The following ZNF407 variants were observed in gnomAD, a reference collection of about 807,000 sequenced individuals.
ZNF407 encodes the protein zinc finger protein 407.
In ZNF407, 17 loss-of-function variants were observed where a neutral mutation model predicts 131.2. The ratio of observed to expected loss-of-function variants is 0.13; its 90% CI spans 0.09 to 0.19. ZNF407 has a LOEUF of 0.19. Ranked by LOEUF, ZNF407 falls within the 10% of genes least tolerant of loss-of-function variation. The probability of loss-of-function intolerance (pLI) is 1.00; values close to 1 mark genes in which losing one functional copy is unlikely to be tolerated. For synonymous variants in ZNF407, 1,156 were observed against 1,062.0 expected, an observed-to-expected ratio of 1.09 and a Z score of -1.72; for missense variants, 2,681 against 2,830.6, an observed-to-expected ratio of 0.95 and a Z score of 1.20.
chr18:74,650,573 G>GGTCT (rs1985181205), intron 3 of ZNF407, among the ~76,000 whole-genome samples: 1 of 152,036 alleles, frequency 6.6e-6, no homozygotes, highest in African/African-American at 2.4e-5. Context: ...GGTTGACAGG[G>GGTCT]GTCTGCACTT....
rs1377327892 is a variant in ZNF407 at position 75,009,463 on chromosome 18, A to T, written c.5429-53687A>T. ...ATATTGGTGCCTCAGGGAAAATTAA[A>T]CCAGGTATGAACTTGTGTGGATGAC... is the stretch of plus-strand genomic sequence containing the variant. On this transcript the variant is annotated intron_variant, in intron 8 of 8. Coordinates refer to ENST00000299687, the MANE Select transcript of ZNF407 (RefSeq NM_017757.3). 3.9e-5 allele frequency among the ~76,000 whole-genome samples: 6 copies of T among 152,210 alleles called. No individual in the cohort carries two copies. The South Asian group carries it at 1.2e-3, about 32-fold the overall frequency.
intron 8 of ZNF407, among the ~76,000 whole-genome samples, chr18:74,924,925 G>A (rs752243118): frequency 2.6e-5 from 4 of 152,244 alleles, no homozygotes; most frequent in Non-Finnish European, 4.4e-5. Context: ...GAAGACCCAC[G>A]GGTAGTGTGG....
At position 74,615,289 on chromosome 18, in the gene ZNF407, G is replaced by C. The variant is rs193123955; in HGVS notation, c.-53-15678G>C. Among the ~76,000 whole-genome samples the C allele has an allele frequency of 2.6e-5, 4 of 152,320 alleles. No homozygotes were observed. In the East Asian group the frequency reaches 7.7e-4, roughly 29 times the overall value. On this transcript the variant is annotated intron_variant, in intron 1 of 8. Transcript: ENST00000299687. ...TGGGAGGCCGAGGTGGGCAGATCAC[G>C]AGGTCAAGAGATCGAGACCATCCTG...
chr18:74,758,586 A>G (rs907305701), intron 3 of ZNF407, among the ~76,000 whole-genome samples: 2 of 152,138 alleles, frequency 1.3e-5, no homozygotes, highest in African/African-American at 4.8e-5. Context: ...AGGAAAAGAG[A>G]AAATATATCT....
rs1971943599 is a variant in ZNF407, at chr18:74,928,638, A to G, written c.5428+7946A>G. ...GCTATCTGTCATGTAATGCTATACC[A>G]GAGTCAGGTGGGAGTTGAATATCTT... is the stretch of plus-strand genomic sequence containing the variant. On this transcript the variant is annotated intron_variant, in intron 8 of 8. Transcript: ENST00000299687. 2.0e-5 allele frequency among the ~76,000 whole-genome samples: 3 copies of G among 152,332 alleles called. No individual in the cohort carries two copies. The South Asian group carries it at 6.2e-4, about 32-fold the overall frequency.
At chr18:74,883,765 T>A (rs1350060604) in intron 6 of ZNF407, among the ~76,000 whole-genome samples, 1 of 152,246 alleles carries the variant, frequency 6.6e-6, no homozygotes, top group Non-Finnish European at 1.5e-5. Flanking sequence ...CTTCTGCTGT[T>A]CATCCTCTGG....
chr18:74,999,366 A>AAAAAAAAC (rs1568296618), intron 8 of ZNF407, among the ~76,000 whole-genome samples: 3 of 149,658 alleles, frequency 2.0e-5, no homozygotes, highest in African/African-American at 7.4e-5. Flanking sequence ...AAAAAAAAAA[A>AAAAAAAAC]AAAAAAAAAC....
chr18:75,005,502 T>G (rs1456242854), intron 8 of ZNF407, among the ~76,000 whole-genome samples: 2 of 152,104 alleles, frequency 1.3e-5, no homozygotes, highest in Non-Finnish European at 2.9e-5. Context: ...ATATATAAAA[T>G]ATGCTCTTTG....
At chr18:74,713,467 CAG>C (rs770752880) in intron 3 of ZNF407, among the ~76,000 whole-genome samples, 2 of 139,114 alleles carry the variant, frequency 1.4e-5, no homozygotes, top group Admixed American at 7.9e-5. Context: ...CATTAAATAA[CAG>C]AGATTTAAAA....
intron 3 of ZNF407, among the ~76,000 whole-genome samples, chr18:74,725,022 C>A (rs372277336): frequency 6.6e-6 from 1 of 152,208 alleles, no homozygotes; most frequent in Non-Finnish European, 1.5e-5. Context: ...TGGGAACTCT[C>A]ACAATCTGTT....
intron 3 of ZNF407, among the ~76,000 whole-genome samples, chr18:74,677,377 C>T (rs184280242): frequency 2.0e-4 from 31 of 152,280 alleles, no homozygotes; most frequent in South Asian, 6.2e-4. Flanking sequence ...AGGCTTGAGC[C>T]GCCCTACGGG....
At chr18:75,046,584 C>T (rs995633435) in intron 8 of ZNF407, among the ~76,000 whole-genome samples, 1 of 152,128 alleles carries the variant, frequency 6.6e-6, no homozygotes, top group African/African-American at 2.4e-5. Context: ...AGTCAGTACC[C>T]AGCTGAATCG....
chr18:74,612,026 A>T (rs1033497471), intron 1 of ZNF407, among the ~76,000 whole-genome samples: 1 of 152,190 alleles, frequency 6.6e-6, no homozygotes, highest in African/African-American at 2.4e-5. Context: ...ATTGTATCAT[A>T]TTCCCATAGT....
At chr18:74,945,322 A>G (rs1972142907) in intron 8 of ZNF407, among the ~76,000 whole-genome samples, 2 of 152,218 alleles carry the variant, frequency 1.3e-5, no homozygotes, top group Non-Finnish European at 2.9e-5. Context: ...CGTGTGTCCT[A>G]TAAATATATT....
chr18:74,766,599 G>T (rs1030490013), intron 3 of ZNF407, among the ~76,000 whole-genome samples: 1 of 152,146 alleles, frequency 6.6e-6, no homozygotes, highest in Admixed American at 6.5e-5. Context: ...AAGTTGTCAT[G>T]TTACTGAGCC....
chr18:74,998,214 G>A (rs534580988), intron 8 of ZNF407, among the ~76,000 whole-genome samples: 26 of 152,350 alleles, frequency 1.7e-4, no homozygotes, highest in Non-Finnish European at 3.4e-4. Flanking sequence ...CCCTGAGGCA[G>A]AGAGAGTTTT....
chr18:74,948,420 T>A (rs1257931675), intron 8 of ZNF407, among the ~76,000 whole-genome samples: 1 of 152,244 alleles, frequency 6.6e-6, no homozygotes, highest in Non-Finnish European at 1.5e-5. Context: ...TTTAGCTGAC[T>A]TTTTTCCCTC....
chr18:74,758,348 C>A (rs1599129688), intron 3 of ZNF407, among the ~76,000 whole-genome samples: 2 of 152,112 alleles, frequency 1.3e-5, no homozygotes, highest in Admixed American at 1.3e-4. Flanking sequence ...TTTCTTAATT[C>A]TTAACCTAGG....
chr18:74,802,334 T>C (rs1250958595), intron 4 of ZNF407, among the ~76,000 whole-genome samples: 1 of 152,198 alleles, frequency 6.6e-6, no homozygotes, highest in Non-Finnish European at 1.5e-5. Flanking sequence ...AGTACATTTT[T>C]ACTCTGTTAA....
Sources: gnomAD v4.1 joint callset for allele counts (sites outside exome capture counted in the v4.1 genomes callset) on GRCh38, gnomAD v4.1.1 for gene constraint, MANE v1.5 for transcripts, NCBI Gene and HGNC (gene_info 2026-07-23, HGNC 2026-07-21) for gene names.